Variants in CCDC192 observed in about 807,000 individuals in gnomAD.
The protein encoded by CCDC192 is coiled-coil domain-containing protein 192.
chr5:127,788,677 T>G (rs1351615680), intron 3 of CCDC192, among the ~76,000 whole-genome samples: 1 of 152,222 alleles, frequency 6.6e-6, no homozygotes, highest in Non-Finnish European at 1.5e-5. Flanking sequence ...TTGCAGTTAT[T>G]TGCTCCTAGA....
At chr5:127,931,928 G>T (rs951833269) in intron 6 of CCDC192, among the ~76,000 whole-genome samples, 2 of 151,942 alleles carry the variant, frequency 1.3e-5, no homozygotes, top group Non-Finnish European at 2.9e-5. Flanking sequence ...GAGGCAGGTG[G>T]ATCACGAGGT....
chr5:127,824,051 G>A (rs555337677), intron 5 of CCDC192, among the ~76,000 whole-genome samples: 3 of 152,116 alleles, frequency 2.0e-5, no homozygotes, highest in African/African-American at 7.2e-5. Context: ...GAAGAAATGA[G>A]AGCAAACTAA....
chr5:127,889,562 C>A (rs1027162002), intron 6 of CCDC192, among the ~76,000 whole-genome samples: 1 of 152,146 alleles, frequency 6.6e-6, no homozygotes, highest in African/African-American at 2.4e-5. Flanking sequence ...CCACCACGCC[C>A]TGCTAATTTT....
chr5:127,791,170 TA>T (rs1416692937), intron 3 of CCDC192, among the ~76,000 whole-genome samples: 1 of 152,206 alleles, frequency 6.6e-6, no homozygotes, highest in Non-Finnish European at 1.5e-5. Flanking sequence ...AAAAATTGTG[TA>T]CAGCAAAATA....
intron 6 of CCDC192, among the ~76,000 whole-genome samples, chr5:127,912,099 T>G (rs1753379276): frequency 6.6e-6 from 1 of 151,574 alleles, no homozygotes; most frequent in Admixed American, 6.6e-5. Flanking sequence ...TTTTTTTTTT[T>G]TTTTGTATTT....
intron 3 of CCDC192, among the ~76,000 whole-genome samples, chr5:127,794,910 G>C (rs1757074123): frequency 6.6e-6 from 1 of 152,142 alleles, no homozygotes; most frequent in South Asian, 2.1e-4. Flanking sequence ...AGTGGTTATA[G>C]GAAATGAACA....
rs1752047687 is a variant in CCDC192, at chr5:127,875,653, C to T, written c.527C>T (p.Ala176Val). The change falls in exon 6 of 7, where the codon GCC becomes GTC. Residue 176 changes from alanine (A) to valine (V), a missense_variant. By Grantham distance (64) the Ala-to-Val change is moderately conservative. Coordinates refer to ENST00000514853, the MANE Select transcript of CCDC192 (RefSeq NM_001317938.2). Reference sequence around the variant, plus strand: ...AAGACTCTATATGAAGGAAAGCCAGCCCCTAGAGGTCAGTATTACCACGTG... The same window carrying T: ...AAGACTCTATATGAAGGAAAGCCAGTCCCTAGAGGTCAGTATTACCACGTG... ...KIKTLYEGKPAPREDSLLEGF... is the reference protein window; with the variant it reads ...KIKTLYEGKPVPREDSLLEGF... 5.0e-6 allele frequency: 2 copies of T among 398,790 alleles called. 1 individual carries two copies. Among genetic ancestry groups the T allele is most frequent in the Admixed American group, 8.8e-5 (2 of 22,720 alleles). 24.7% of individuals were successfully genotyped at this position (398,790 alleles called of 1,614,324 possible). A position where few individuals can be genotyped will look rare whatever the true frequency, so the allele number is the denominator to read the frequency against.
At chr5:127,824,520 T>G (rs1749433499) in intron 5 of CCDC192, among the ~76,000 whole-genome samples, 1 of 152,232 alleles carries the variant, frequency 6.6e-6, no homozygotes, top group Non-Finnish European at 1.5e-5. Context: ...GTTTGAGTAT[T>G]TCCAAAACTC....
chr5:127,913,742 C>T (rs1400064823), intron 6 of CCDC192, among the ~76,000 whole-genome samples: 6 of 152,212 alleles, frequency 3.9e-5, no homozygotes, highest in African/African-American at 1.4e-4. Context: ...TTGTCAACTT[C>T]CTCAGATAAA....
chr5:127,906,077 G>C (rs532330303), intron 6 of CCDC192, among the ~76,000 whole-genome samples: 24 of 152,080 alleles, frequency 1.6e-4, no homozygotes, highest in Non-Finnish European at 2.9e-4. Context: ...GTACAATTCA[G>C]TGCCATTAAG....
intron 3 of CCDC192, among the ~76,000 whole-genome samples, 191 bp from the exon 4 acceptor site, chr5:127,796,912 A>T (rs1276237478): frequency 6.6e-6 from 1 of 152,236 alleles, no homozygotes; most frequent in Non-Finnish European, 1.5e-5. Flanking sequence ...GATCTTAGTT[A>T]TAAACAATAA....
chr5:127,794,307 A>G (rs899952331), intron 3 of CCDC192, among the ~76,000 whole-genome samples: 2 of 152,306 alleles, frequency 1.3e-5, no homozygotes, highest in Admixed American at 1.3e-4. Flanking sequence ...CCTGATGTCC[A>G]CTACTGAAAA....
intron 5 of CCDC192, among the ~76,000 whole-genome samples, chr5:127,874,547 C>G (rs1390956427): frequency 6.6e-6 from 1 of 152,094 alleles, no homozygotes; most frequent in East Asian, 1.9e-4. Context: ...GAGTGGTTCC[C>G]TACTGCCTGA....
At chr5:127,712,759 T>C (rs1157438326) in intron 2 of CCDC192, among the ~76,000 whole-genome samples, 1 of 152,212 alleles carries the variant, frequency 6.6e-6, no homozygotes, top group African/African-American at 2.4e-5. Flanking sequence ...CTTTCTTTTC[T>C]CTTGGGAAAA....
intron 2 of CCDC192, among the ~76,000 whole-genome samples, chr5:127,710,032 A>G (rs559602980): frequency 3.3e-5 from 5 of 152,324 alleles, no homozygotes; most frequent in Admixed American, 6.5e-5. Flanking sequence ...AAGGGCTTCA[A>G]TTAGCTTCCT....
chr5:127,777,203 C>T lies in CCDC192; in HGVS notation c.223-19900C>T, dbSNP rs114845837. 1.3e-3 allele frequency among the ~76,000 whole-genome samples: 195 copies of T among 152,338 alleles called. 1 individual carries two copies. Among genetic ancestry groups the T allele is most frequent in the African/African-American group, 4.5e-3 (186 of 41,586 alleles). On this transcript the variant is annotated intron_variant, in intron 3 of 6. Coordinates refer to ENST00000514853, the MANE Select transcript of CCDC192 (RefSeq NM_001317938.2). The stretch of plus-strand genomic sequence containing the variant: ...TGCAAAGCCACAGCGGCAAAGCTAC[C>T]CAAGACCATGGGAGCCCACCTCTTT...
chr5:127,725,969 T>C (rs1301420614), intron 2 of CCDC192, among the ~76,000 whole-genome samples: 2 of 151,300 alleles, frequency 1.3e-5, no homozygotes, highest in South Asian at 2.1e-4. Flanking sequence ...TATTTTTTGT[T>C]TTTTTCTTTA....
chr5:127,803,351 G>GGC (rs1168688603), intron 5 of CCDC192, among the ~76,000 whole-genome samples: 2 of 152,088 alleles, frequency 1.3e-5, no homozygotes, highest in African/African-American at 2.4e-5. Flanking sequence ...TGCACATGTG[G>GGC]GCACCCAGGC....
At chr5:127,764,754 CA>C (rs1305174951) in intron 3 of CCDC192, among the ~76,000 whole-genome samples, 6 of 151,912 alleles carry the variant, frequency 3.9e-5, no homozygotes, top group African/African-American at 1.5e-4. Flanking sequence ...AAAAAATTCA[CA>C]AAAAACCTCA....
Sources: gnomAD v4.1 joint callset for allele counts (sites outside exome capture counted in the v4.1 genomes callset) on GRCh38, gnomAD v4.1.1 for gene constraint, MANE v1.5 for transcripts, NCBI Gene and HGNC (gene_info 2026-07-23, HGNC 2026-07-21) for gene names.